RAI2: variants seen among roughly 807,000 people sequenced by gnomAD.
RAI2 encodes retinoic acid induced 2.
RAI2 carries 5 observed loss-of-function variants against 15.3 expected under a neutral mutation model. The observed-to-expected ratio is 0.33, with a 90% CI of 0.17 to 0.69. The LOEUF is 0.69. RAI2 is among the 30% of genes least tolerant of loss of function. The pLI is 0.69. For missense variants in RAI2, 424 were observed against 424.7 expected, an observed-to-expected ratio of 1.00 and a Z score of 0.01; for synonymous variants, 191 against 184.0, an observed-to-expected ratio of 1.04 and a Z score of -0.31.
intron 1 of RAI2, among the ~76,000 whole-genome samples, chrX:17,810,636 T>C (rs2067037746): frequency 9.0e-6 from 1 of 111,562 alleles, no homozygotes; most frequent in African/African-American, 3.3e-5. Context: ...GGAGGAGGAA[T>C]TGCTGTGGGC....
chrX:17,844,695 A>G (rs1033263545), intron 1 of RAI2, among the ~76,000 whole-genome samples: 2 of 112,800 alleles, frequency 1.8e-5, no homozygotes, highest in African/African-American at 6.4e-5. Context: ...CTATGATTTA[A>G]AAATCCCTGC....
chrX:17,813,461 G>C (rs1381778074), intron 1 of RAI2, among the ~76,000 whole-genome samples: 1 of 111,474 alleles, frequency 9.0e-6, no homozygotes, highest in African/African-American at 3.3e-5. Flanking sequence ...AGTCATTTCA[G>C]ATACTGGTCA....
chrX:17,839,493 C>T (rs1039777634), intron 1 of RAI2, among the ~76,000 whole-genome samples: 2 of 112,376 alleles, frequency 1.8e-5, no homozygotes. Flanking sequence ...CCATGGACTG[C>T]CATAGCTGCA....
intron 1 of RAI2, among the ~76,000 whole-genome samples, chrX:17,850,949 T>A (rs926791427): frequency 1.8e-5 from 2 of 113,002 alleles, no homozygotes; most frequent in African/African-American, 6.4e-5. Context: ...TCACTTTTCT[T>A]CCACTTCACT....
Position 17,849,046 on chromosome X carries a change from T to C in RAI2, c.-25+12052A>G, listed in dbSNP as rs191398229. Reference sequence around the variant, plus strand: ...GAGGGTAAGCTCTTCAGGACAGCAGTGGGAAGGAAGCTTCTCCCTGCTGAC... The same window carrying C: ...GAGGGTAAGCTCTTCAGGACAGCAGCGGGAAGGAAGCTTCTCCCTGCTGAC... On this transcript the variant is annotated intron_variant, in intron 1 of 1. Transcript: ENST00000451717. Among the ~76,000 whole-genome samples the C allele has an allele frequency of 7.1e-5, 8 of 112,497 alleles. No homozygotes were observed. The East Asian group carries it at 2.2e-3, about 32-fold the overall frequency.
intron 1 of RAI2, among the ~76,000 whole-genome samples, chrX:17,851,655 C>A (rs749872314): frequency 9.0e-5 from 10 of 111,551 alleles, no homozygotes; most frequent in Admixed American, 8.5e-4. Context: ...ACACTGGTTT[C>A]TATGACCCTT....
intron 1 of RAI2, among the ~76,000 whole-genome samples, chrX:17,833,394 C>A (rs937016012): frequency 1.8e-5 from 2 of 111,062 alleles, no homozygotes; most frequent in African/African-American, 6.6e-5. Context: ...TGGTGGTGTG[C>A]GCCTGTAATC....
At position 17,801,966 on chromosome X, in the gene RAI2, G is replaced by C. The variant is rs768255219; in HGVS notation, c.45C>G (p.Asp15Glu). The C allele has an allele frequency of 3.3e-6, 4 of 1,210,189 alleles. No individual in the cohort carries two copies. The highest frequency in any genetic ancestry group is 1.8e-5 in the South Asian group (1 of 56,651). ...QSQNLSMDMT[D>E]SPPALANNRL... is the part of the protein sequence containing the mutation. ...TGTTATTAGCCAAGGCAGGAGGGGA[G>C]TCAGTCATGTCCATGGAGAGGTTCT... The change falls in exon 2 of 2, where the codon GAC (aspartate) becomes GAG (glutamate). Residue 15 changes from aspartate (D) to glutamate (E), a missense_variant. Asp to Glu is a conservative substitution (Grantham distance 45, BLOSUM62 2). Coordinates refer to ENST00000451717, the MANE Select transcript of RAI2 (RefSeq NM_021785.6).
chrX:17,819,910 GT>G (rs759075079), intron 1 of RAI2, among the ~76,000 whole-genome samples: 3 of 112,534 alleles, frequency 2.7e-5, no homozygotes, highest in South Asian at 7.4e-4. Flanking sequence ...TTACAAAGGT[GT>G]GTACAAAATG....
At chrX:17,837,323 C>A (rs1023371937) in intron 1 of RAI2, among the ~76,000 whole-genome samples, 2 of 112,079 alleles carry the variant, frequency 1.8e-5, no homozygotes, top group African/African-American at 6.5e-5. Context: ...GTTTCTCTTT[C>A]TTCACTCTCT....
chrX:17,831,359 C>CT (rs1165706226), intron 1 of RAI2, among the ~76,000 whole-genome samples: 7 of 111,314 alleles, frequency 6.3e-5, no homozygotes, highest in East Asian at 2.8e-4. Context: ...CATTAAAAAG[C>CT]TTTTTTTTAA....
At chrX:17,855,907 C>T (rs1290832854) in intron 1 of RAI2, among the ~76,000 whole-genome samples, 1 of 111,916 alleles carries the variant, frequency 8.9e-6, no homozygotes, top group East Asian at 2.8e-4. Context: ...ACAGAAATCC[C>T]ATGCATCTGT....
chrX:17,846,720 A>G lies in RAI2; in HGVS notation c.-25+14378T>C, dbSNP rs1318147360. 2.7e-5 allele frequency among the ~76,000 whole-genome samples: 3 copies of G among 109,894 alleles called. No individual in the cohort carries two copies. In the Admixed American group the frequency reaches 2.9e-4, roughly 11 times the overall value. Reference sequence around the variant, plus strand: ...AGGGGGAGGGGAGGCCCAGATACCCACTCTCTCCCTTCTTCTGAGTTTCCT... The same window carrying G: ...AGGGGGAGGGGAGGCCCAGATACCCGCTCTCTCCCTTCTTCTGAGTTTCCT... On this transcript the variant is annotated intron_variant, in intron 1 of 1. Coordinates refer to ENST00000451717, the MANE Select transcript of RAI2 (RefSeq NM_021785.6).
At chrX:17,803,852 G>A (rs1306471410) in intron 1 of RAI2, among the ~76,000 whole-genome samples, 1 of 112,487 alleles carries the variant, frequency 8.9e-6, no homozygotes, top group East Asian at 2.8e-4. Flanking sequence ...CAGGGAGGCT[G>A]AGGGGGCTTG....
intron 1 of RAI2, among the ~76,000 whole-genome samples, chrX:17,810,228 T>A (rs1236753389): frequency 1.8e-5 from 2 of 111,951 alleles, no homozygotes; most frequent in African/African-American, 6.5e-5. Flanking sequence ...TTTCAAAGGA[T>A]GTTGAGGAGC....
chrX:17,838,526 T>C (rs1273558142), intron 1 of RAI2, among the ~76,000 whole-genome samples: 1 of 111,033 alleles, frequency 9.0e-6, no homozygotes, highest in Non-Finnish European at 1.9e-5. Flanking sequence ...CTTGGTGAAG[T>C]TGGCATTTTT....
At chrX:17,831,253 G>A (rs771435694) in intron 1 of RAI2, among the ~76,000 whole-genome samples, 45 of 111,167 alleles carry the variant, frequency 4.0e-4, no homozygotes, top group Admixed American at 1.3e-3. Context: ...ATATTCAGGG[G>A]GTATTTTTAA....
intron 1 of RAI2, among the ~76,000 whole-genome samples, chrX:17,855,681 C>G (rs1444009424): frequency 9.0e-6 from 1 of 111,567 alleles, no homozygotes; most frequent in Non-Finnish European, 1.9e-5. Context: ...GCTGAAGTCA[C>G]GAGGTTGGTT....
rs776279810 is a variant in RAI2, at chrX:17,822,190, A to G, written c.-24-20156T>C. Among the ~76,000 whole-genome samples the G allele has an allele frequency of 4.5e-5, 5 of 112,268 alleles. No homozygotes were observed. The South Asian group carries it at 1.8e-3, about 41-fold the overall frequency. On this transcript the variant is annotated intron_variant, in intron 1 of 1. Coordinates refer to ENST00000451717, the MANE Select transcript of RAI2 (RefSeq NM_021785.6). ...TGAGAAATATACGATTAATAATTTT[A>G]CATTTATTTTAATACCATTCCTTCA...
Sources: gnomAD v4.1 joint callset for allele counts (sites outside exome capture counted in the v4.1 genomes callset) on GRCh38, gnomAD v4.1.1 for gene constraint, MANE v1.5 for transcripts, NCBI Gene and HGNC (gene_info 2026-07-23, HGNC 2026-07-21) for gene names.